ADCY3: variants seen among roughly 807,000 people sequenced by gnomAD.
ADCY3 encodes adenylate cyclase type 3.
ADCY3 carries 70 observed loss-of-function variants against 119.4 expected under a neutral mutation model. The observed-to-expected ratio is 0.59, with a 90% CI of 0.48 to 0.72. ADCY3 has a LOEUF of 0.72. Among genes scored for constraint, ADCY3 ranks in the 30% least tolerant of loss-of-function variants. The pLI, the probability that ADCY3 is intolerant of heterozygous loss-of-function variation, is 0.00. For synonymous variants in ADCY3, 672 were observed against 621.4 expected (o/e 1.08, Z -1.21); for missense variants, 1,238 against 1,541.6 (o/e 0.80, Z 3.30).
intron 3 of ADCY3, among the ~76,000 whole-genome samples, chr2:24,871,613 C>T (rs996153743): frequency 2.0e-5 from 3 of 152,224 alleles, no homozygotes; most frequent in African/African-American, 4.8e-5. Context: ...CCTGTCCACC[C>T]GAGTGGCAGC....
chr2:24,889,831 C>T (rs369719905), intron 2 of ADCY3, among the ~76,000 whole-genome samples: 64 of 152,270 alleles, frequency 4.2e-4, no homozygotes, highest in Admixed American at 8.5e-4. Context: ...AGCGAAACTC[C>T]GTCTCAAATA....
At chr2:24,877,144 C>T (rs1227413588) in intron 2 of ADCY3, among the ~76,000 whole-genome samples, 1 of 152,260 alleles carries the variant, frequency 6.6e-6, no homozygotes, top group Non-Finnish European at 1.5e-5. Flanking sequence ...GGCCCTGCCA[C>T]TGTGTGCGGG....
intron 3 of ADCY3, among the ~76,000 whole-genome samples, chr2:24,854,352 G>C (rs1672757307): frequency 6.6e-6 from 1 of 152,214 alleles, no homozygotes; most frequent in Non-Finnish European, 1.5e-5. Flanking sequence ...GGGGTTTTGG[G>C]GGGTACAGCA....
intron 2 of ADCY3, among the ~76,000 whole-genome samples, chr2:24,877,117 C>A (rs1180322996): frequency 6.6e-6 from 1 of 152,248 alleles, no homozygotes; most frequent in Non-Finnish European, 1.5e-5. Flanking sequence ...TCCTCCTCCC[C>A]CATGTCCCCC....
intron 3 of ADCY3, among the ~76,000 whole-genome samples, chr2:24,856,682 C>G (rs1178178605): frequency 6.6e-6 from 1 of 152,150 alleles, no homozygotes; most frequent in African/African-American, 2.4e-5. Flanking sequence ...ACTAGGGGGC[C>G]CACGTGTGCT....
rs1171373644 is a variant in ADCY3 at position 24,872,774 on chromosome 2, AAAGGGGATGGAG to A, written c.676-67_676-56del. 1.3e-6 allele frequency: 2 copies of A among 1,587,340 alleles called. No individual in the cohort carries two copies. The highest frequency in any genetic ancestry group is 1.3e-5 in the African/African-American group (1 of 74,234). On this transcript the variant is annotated intron_variant, in intron 2 of 21. Coordinates refer to ENST00000679454, the MANE Select transcript of ADCY3 (RefSeq NM_004036.5). This position sits in a 1 kb window ranked among gnomAD's most constrained non-coding sequence, Gnocchi z 4.4. ...CCAGGGGTGAAGGCACGTCTTCAGA[AAAGGGGATGGAG>A]AAGGGGATGGAGGAGGTGGGGTGGG...
intron 2 of ADCY3, among the ~76,000 whole-genome samples, chr2:24,893,517 T>C (rs1030477367): frequency 6.6e-6 from 1 of 152,128 alleles, no homozygotes; most frequent in Non-Finnish European, 1.5e-5. Flanking sequence ...ACACCCAGTC[T>C]ATCTGTGTCT....
At position 24,898,482 on chromosome 2, in the gene ADCY3, C is replaced by T. The variant is rs1331717542; in HGVS notation, c.675+19831G>A. ...GTGCTTCATGAAGGGGTGAGTCAGG[C>T]GCCATCTCTCCTTTTTCCAAAAGGA... On this transcript the variant is annotated intron_variant, in intron 2 of 21. Coordinates refer to ENST00000679454, the MANE Select transcript of ADCY3 (RefSeq NM_004036.5). This position sits in a 1 kb window ranked among gnomAD's most constrained non-coding sequence, Gnocchi z 4.3. 6.6e-6 allele frequency among the ~76,000 whole-genome samples: 1 copy of T among 152,112 alleles called. No individual in the cohort carries two copies. Among genetic ancestry groups the T allele is most frequent in the Admixed American group, 6.6e-5 (1 of 15,262 alleles).
At chr2:24,837,326 A>G (rs1670437156) in intron 8 of ADCY3, among the ~76,000 whole-genome samples, 1 of 152,200 alleles carries the variant, frequency 6.6e-6, no homozygotes, top group Admixed American at 6.5e-5. Flanking sequence ...GGCAGGTGGC[A>G]TTTAAGATAC....
intron 9 of ADCY3, among the ~76,000 whole-genome samples, chr2:24,836,139 C>G (rs1338673032): frequency 1.3e-5 from 2 of 152,190 alleles, no homozygotes; most frequent in Non-Finnish European, 2.9e-5. Flanking sequence ...CCCGAAAAAT[C>G]AGGCTGCTAA....
At chr2:24,825,292 T>A (rs1216297362) in intron 16 of ADCY3, among the ~76,000 whole-genome samples, 1 of 149,154 alleles carries the variant, frequency 6.7e-6, no homozygotes, top group East Asian at 2.0e-4. Context: ...CCTCTCTTCC[T>A]TCTCTTTTCC....
Position 24,877,890 on chromosome 2 carries a change from A to G in ADCY3, c.676-5171T>C, listed in dbSNP as rs1675914593. ...ACAGCTGTACCTGGGAGCTGACTGC[A>G]CTGCCCAGTCCCGGGTCCTGGGGTG... On this transcript the variant is annotated intron_variant, in intron 2 of 21. Transcript: ENST00000679454. 6 of 471,080 alleles carry G rather than the reference A, an allele frequency of 1.3e-5. No homozygotes were observed. In the Admixed American group the frequency reaches 1.4e-4, roughly 11 times the overall value. 29.2% of individuals were successfully genotyped at this position (471,080 alleles called of 1,614,324 possible).
chr2:24,902,483 T>C (rs1384619740), intron 2 of ADCY3, among the ~76,000 whole-genome samples: 1 of 152,088 alleles, frequency 6.6e-6, no homozygotes, highest in Non-Finnish European at 1.5e-5. Context: ...TGTGCCATGG[T>C]GCCCCATCCA....
Position 24,861,797 on chromosome 2 carries a change from C to T in ADCY3, c.825+10773G>A, listed in dbSNP as rs200817122. On this transcript the variant is annotated intron_variant, in intron 3 of 21. Coordinates refer to ENST00000679454, the MANE Select transcript of ADCY3 (RefSeq NM_004036.5). ...AAGGATGCACAGGCCCCAGCCAGCT[C>T]CCATCCTACCTCACCACCCTGACTT... Among the ~76,000 whole-genome samples the T allele has an allele frequency of 3.0e-4, 46 of 152,348 alleles. 2 individuals carry two copies. The East Asian group carries it at 8.7e-3, about 29-fold the overall frequency.
intron 3 of ADCY3, among the ~76,000 whole-genome samples, chr2:24,864,103 A>C (rs1312089645): frequency 1.3e-5 from 2 of 152,210 alleles, no homozygotes; most frequent in Non-Finnish European, 2.9e-5. Context: ...CCTGTCTAAC[A>C]TGGTGAAACC....
At chr2:24,828,243 A>AC (rs1465025609) in intron 13 of ADCY3, 82 bp from the exon 14 acceptor site, 18 of 1,524,514 alleles carry the variant, frequency 1.2e-5, no homozygotes. Context: ...ATGGTAGTGC[A>AC]CGCTCAGCTG....
chr2:24,855,606 T>C (rs1435899025), intron 3 of ADCY3, among the ~76,000 whole-genome samples: 6 of 152,060 alleles, frequency 3.9e-5, no homozygotes, highest in Non-Finnish European at 8.8e-5. Context: ...AGCATGGTAA[T>C]AAAAGTCAAG....
intron 12 of ADCY3, 97 bp downstream of exon 12, chr2:24,831,565 G>C: frequency 1.0e-6 from 1 of 974,910 alleles, no homozygotes; most frequent in Non-Finnish European, 1.6e-6. Flanking sequence ...CTGCCTGTCA[G>C]ATTTGACAGA....
chr2:24,896,626 C>T (rs1678320356), intron 2 of ADCY3, among the ~76,000 whole-genome samples: 2 of 152,036 alleles, frequency 1.3e-5, no homozygotes. Flanking sequence ...TGGCTCTATC[C>T]TGTTTGTCTT....
Sources: gnomAD v4.1 joint callset for allele counts (sites outside exome capture counted in the v4.1 genomes callset) on GRCh38, gnomAD v4.1.1 for gene constraint, Gnocchi (gnomAD v3.1) non-coding constraint, MANE v1.5 for transcripts, NCBI Gene and HGNC (gene_info 2026-07-23, HGNC 2026-07-21) for gene names.